The following PLS1 variants were observed in gnomAD, a reference collection of about 807,000 sequenced individuals.
PLS1 encodes plastin 1, also known as plastin-1.
PLS1 carries 32 observed loss-of-function variants against 73.7 expected under a neutral mutation model. The observed-to-expected ratio is 0.43, with a 90% CI of 0.33 to 0.58. PLS1 has a LOEUF of 0.58. PLS1 is among the 20% of genes least tolerant of loss of function. PLS1 has a pLI of 0.04. For synonymous variants in PLS1, 217 were observed against 261.3 expected (o/e 0.83, Z 1.63); for missense variants, 633 against 740.5 (o/e 0.85, Z 1.68).
At chr3:142,634,982 G>A (rs1432957252) in intron 1 of PLS1, among the ~76,000 whole-genome samples, 1 of 151,122 alleles carries the variant, frequency 6.6e-6, no homozygotes, top group Non-Finnish European at 1.5e-5. Flanking sequence ...GTGCAGTGGT[G>A]CAATCATGGC....
chr3:142,613,116 A>G (rs1244760314), intron 1 of PLS1, among the ~76,000 whole-genome samples: 2 of 152,182 alleles, frequency 1.3e-5, no homozygotes, highest in Non-Finnish European at 2.9e-5. Context: ...TAAAGAATCT[A>G]TTCTCATCCT....
chr3:142,608,068 C>G (rs1231542946), intron 1 of PLS1, among the ~76,000 whole-genome samples: 1 of 152,154 alleles, frequency 6.6e-6, no homozygotes, highest in East Asian at 1.9e-4. Flanking sequence ...TGGTCTCAAA[C>G]TCCTGGGCTC....
At chr3:142,611,207 A>C (rs1577770917) in intron 1 of PLS1, among the ~76,000 whole-genome samples, 1 of 152,202 alleles carries the variant, frequency 6.6e-6, no homozygotes, top group African/African-American at 2.4e-5. Context: ...TTTAGTTCAC[A>C]GGTTATATGC....
chr3:142,607,453 T>G (rs1243762338), intron 1 of PLS1, among the ~76,000 whole-genome samples: 1 of 152,194 alleles, frequency 6.6e-6, no homozygotes, highest in African/African-American at 2.4e-5. Flanking sequence ...ATTTTTGTAT[T>G]TTTAGTAGAG....
chr3:142,601,081 G>A (rs1339301353), intron 1 of PLS1, among the ~76,000 whole-genome samples: 5 of 146,840 alleles, frequency 3.4e-5, no homozygotes, highest in Non-Finnish European at 6.0e-5. Context: ...CCGCCACCAC[G>A]CCCGGCTAAT....
chr3:142,608,981 G>A (rs1022861526), intron 1 of PLS1, among the ~76,000 whole-genome samples: 16 of 152,322 alleles, frequency 1.1e-4, no homozygotes, highest in African/African-American at 3.6e-4. Flanking sequence ...CAATAAGTGA[G>A]TGTCAGAGAG....
In PLS1 at chr3:142,669,450, G is replaced by A. The variant is rs568658745; in HGVS notation, c.131G>A (p.Ser44Asn). Residue 44 changes from serine (S) to asparagine (N), a missense_variant, in exon 3 of 16, where the codon AGC becomes AAC. Coordinates refer to ENST00000457734, the MANE Select transcript of PLS1 (RefSeq NM_001145319.2). ...CTTCAAGACCTGTTTAAGGAAGCAAGCCTTCCTCTGCCTGGCTACAAGGTG... is the reference window on the plus strand; with the variant it reads ...CTTCAAGACCTGTTTAAGGAAGCAAACCTTCCTCTGCCTGGCTACAAGGTG... ...YELQDLFKEA[S>N]LPLPGYKVRE... is the part of the protein sequence containing the mutation. The A allele has an allele frequency of 1.9e-6, 3 of 1,609,770 alleles. No homozygotes were observed. The highest frequency in any genetic ancestry group is 2.6e-6 in the Non-Finnish European group (3 of 1,176,166).
At chr3:142,707,315 T>C (rs2038482298) in intron 14 of PLS1, among the ~76,000 whole-genome samples, 1 of 151,432 alleles carries the variant, frequency 6.6e-6, no homozygotes, top group Admixed American at 6.6e-5. Context: ...GGTAGCACTA[T>C]AGGAATTTCA....
chr3:142,667,765 T>C (rs1366983932), intron 2 of PLS1, among the ~76,000 whole-genome samples: 3 of 152,220 alleles, frequency 2.0e-5, no homozygotes, highest in East Asian at 3.8e-4. Context: ...CCTGCTATTA[T>C]GCTGGTTTAG....
intron 9 of PLS1, among the ~76,000 whole-genome samples, chr3:142,688,515 A>G (rs1227325722): frequency 6.6e-6 from 1 of 152,116 alleles, no homozygotes; most frequent in African/African-American, 2.4e-5. Flanking sequence ...TTGACGTGAC[A>G]TTTTCTGTAC....
At chr3:142,675,027 A>G (rs2037691260) in intron 4 of PLS1, among the ~76,000 whole-genome samples, 1 of 152,044 alleles carries the variant, frequency 6.6e-6, no homozygotes, top group Non-Finnish European at 1.5e-5. Flanking sequence ...CACCGCACCC[A>G]GCCAATTTGT....
At chr3:142,650,211 CTTTTTTTTTTTTT>C (rs1171297517) in intron 1 of PLS1, among the ~76,000 whole-genome samples, 1 of 70,872 alleles carries the variant, frequency 1.4e-5, no homozygotes, top group Non-Finnish European at 2.5e-5. Context: ...GCTTCTTCTT[CTTTTTTTTTTTTT>C]TTTTTTTTTT....
intron 1 of PLS1, among the ~76,000 whole-genome samples, chr3:142,636,744 A>G (rs2036702315): frequency 6.6e-6 from 1 of 152,226 alleles, no homozygotes; most frequent in Non-Finnish European, 1.5e-5. Flanking sequence ...AAAATGCACA[A>G]TAAAATAATG....
At position 142,689,751 on chromosome 3, in the gene PLS1, T is replaced by A. The variant is rs1294859344; in HGVS notation, c.1115T>A (p.Phe372Tyr). The change falls in exon 10 of 16, where the codon TTT becomes TAT. Residue 372 changes from phenylalanine to tyrosine, a missense_variant. By Grantham distance (22) the Phe-to-Tyr change is conservative (BLOSUM62 3). Transcript: ENST00000457734. ...KLNLAFVANL[F>Y]NTYPCLHKPN... is the part of the protein sequence containing the mutation. ...AATTTAGCTTTTGTAGCTAATTTGTTTAACACATACCCGTGCCTGCACAAG... is the reference window on the plus strand; with the variant it reads ...AATTTAGCTTTTGTAGCTAATTTGTATAACACATACCCGTGCCTGCACAAG... The A allele has an allele frequency of 6.2e-7, 1 of 1,611,508 alleles. No homozygotes were observed. The highest frequency in any genetic ancestry group is 8.5e-7 in the Non-Finnish European group (1 of 1,178,532).
At chr3:142,639,721 C>T (rs1041007137) in intron 1 of PLS1, among the ~76,000 whole-genome samples, 1 of 152,210 alleles carries the variant, frequency 6.6e-6, no homozygotes, top group African/African-American at 2.4e-5. Context: ...AGAAATTAAA[C>T]TTCTTGATGC....
intron 2 of PLS1, 45 bp from the exon 3 acceptor site, chr3:142,669,345 C>G (rs1248023306): frequency 8.5e-7 from 1 of 1,182,420 alleles, no homozygotes; most frequent in Non-Finnish European, 1.2e-6. Context: ...TATTGTACAC[C>G]TTCAACAAAG....
chr3:142,600,899 TATATATATATATATA>T (rs1216429594), intron 1 of PLS1, among the ~76,000 whole-genome samples: 8 of 31,052 alleles, frequency 2.6e-4, no homozygotes, highest in African/African-American at 1.5e-3. Context: ...TATATATATA[TATATATATATATATA>T]TATTTTTTTT....
chr3:142,677,903 G>A, intron 5 of PLS1, 129 bp from the exon 6 acceptor site: 1 of 473,830 alleles, frequency 2.1e-6, no homozygotes, highest in East Asian at 4.1e-5. Flanking sequence ...CACCATGCCT[G>A]GCTTACTGTT....
intron 1 of PLS1, among the ~76,000 whole-genome samples, chr3:142,616,666 G>T (rs972668414): frequency 6.6e-6 from 1 of 152,052 alleles, no homozygotes; most frequent in South Asian, 2.1e-4. Flanking sequence ...ACAGTGGCAC[G>T]ATCTCAGCTC....
Sources: allele counts gnomAD v4.1 joint callset (sites outside exome capture counted in the v4.1 genomes callset), GRCh38; gene constraint gnomAD v4.1.1; transcripts MANE v1.5; gene names NCBI Gene and HGNC (gene_info 2026-07-23, HGNC 2026-07-21).